Variants in ZFAND3 observed in about 807,000 individuals in gnomAD.
The protein encoded by ZFAND3 is zinc finger AN1-type containing 3.
A neutral mutation model predicts 29.6 loss-of-function variants in ZFAND3; 10 were observed. That is an observed-to-expected ratio of 0.34 (90% confidence interval 0.21 to 0.57). The LOEUF (loss-of-function observed/expected upper bound fraction) is 0.57. ZFAND3 is among the 20% of genes least tolerant of loss of function. The pLI is 0.86. For synonymous variants in ZFAND3, 128 were observed against 112.6 expected, an observed-to-expected ratio of 1.14 and a Z score of -0.87; for missense variants, 230 against 304.5, an observed-to-expected ratio of 0.76 and a Z score of 1.82.
At position 37,819,978 on chromosome 6, in the gene ZFAND3, G is replaced by C. The variant is rs1254594534; in HGVS notation, c.33G>C (p.Ala11=). MGDAGSERSK[A]PSLPPRCPCG... ...ACGCTGGGAGCGAGCGCAGCAAAGC[G>C]CCCAGCCTGCCGCCTCGCTGTCCCT... Residue 11 remains alanine (A), a synonymous_variant, in exon 1 of 6, where the codon GCG becomes GCC. Coordinates refer to ENST00000287218, the MANE Select transcript of ZFAND3 (RefSeq NM_021943.3). 7 of 1,221,068 alleles carry C rather than the reference G, an allele frequency of 5.7e-6. No homozygotes were observed. Among genetic ancestry groups the C allele is most frequent in the Non-Finnish European group, 6.1e-6 (6 of 981,084 alleles). The allele number at this position is 1,221,068 out of a possible 1,614,324, so 75.6% of individuals were successfully genotyped here.
rs561290073 is a variant in ZFAND3, at chr6:38,035,831, G to T, written c.113-25762G>T. On this transcript the variant is annotated intron_variant, in intron 2 of 5. Coordinates refer to ENST00000287218, the MANE Select transcript of ZFAND3 (RefSeq NM_021943.3). The stretch of plus-strand genomic sequence containing the variant: ...CTTGGTTGACCTTCTAGGTGAAAAG[G>T]CCATTTAGTTAAAATTATTTAAAGC... Among the ~76,000 whole-genome samples, 11 of 152,080 alleles carry T rather than the reference G, an allele frequency of 7.2e-5. 1 individual carries two copies. The highest frequency in any genetic ancestry group is 3.3e-4 in the Admixed American group (5 of 15,278).
rs1035571716 is a variant in ZFAND3, at chr6:37,882,584, C to A, written c.72-47375C>A. Among the ~76,000 whole-genome samples, 3 of 152,126 alleles carry A rather than the reference C, an allele frequency of 2.0e-5. No individual in the cohort carries two copies. The East Asian group carries it at 5.8e-4, about 29-fold the overall frequency. Reference sequence around the variant, plus strand: ...TTCCCATATAATTGGGAAATGCCAACCTCACTGGTCTGTGCCCCTCCCAAT... The same window carrying A: ...TTCCCATATAATTGGGAAATGCCAAACTCACTGGTCTGTGCCCCTCCCAAT... On this transcript the variant is annotated intron_variant, in intron 1 of 5. Transcript: ENST00000287218.
chr6:37,999,269 G>A (rs1435653182), intron 2 of ZFAND3, among the ~76,000 whole-genome samples: 1 of 152,170 alleles, frequency 6.6e-6, no homozygotes, highest in Non-Finnish European at 1.5e-5. Flanking sequence ...ATATCCATGA[G>A]TCCATACTGA....
chr6:38,042,057 T>C (rs1286232953), intron 2 of ZFAND3, among the ~76,000 whole-genome samples: 2 of 150,792 alleles, frequency 1.3e-5, no homozygotes, highest in African/African-American at 4.9e-5. Context: ...AGTCTGGTCT[T>C]GAACTCCTGG....
intron 3 of ZFAND3, among the ~76,000 whole-genome samples, chr6:38,080,869 C>G (rs1330465415): frequency 1.3e-5 from 2 of 152,148 alleles, no homozygotes; most frequent in East Asian, 3.8e-4. Context: ...ACCATTTGAA[C>G]CTCTGGAATT....
At chr6:37,856,948 AC>A (rs1275175788) in intron 1 of ZFAND3, among the ~76,000 whole-genome samples, 3 of 127,182 alleles carry the variant, frequency 2.4e-5, no homozygotes, top group African/African-American at 7.9e-5. Context: ...TTAACTCTTG[AC>A]CTTTTTTTTT....
chr6:38,023,611 A>C (rs1490866538), intron 2 of ZFAND3, among the ~76,000 whole-genome samples: 2 of 152,184 alleles, frequency 1.3e-5, no homozygotes, highest in African/African-American at 4.8e-5. Context: ...ACTTTTTGGC[A>C]TAGGCAAGGA....
chr6:38,043,519 T>C (rs1301169430), intron 2 of ZFAND3, among the ~76,000 whole-genome samples: 3 of 145,644 alleles, frequency 2.1e-5, no homozygotes, highest in Admixed American at 7.0e-5. Flanking sequence ...TCCCTCCCTC[T>C]CTCCTTTTCT....
chr6:38,146,870 G>T (rs577985001), intron 5 of ZFAND3, among the ~76,000 whole-genome samples: 1 of 152,158 alleles, frequency 6.6e-6, no homozygotes, highest in Non-Finnish European at 1.5e-5. Flanking sequence ...GCTGCTGAAC[G>T]ATAGGGCCAT....
chr6:37,843,826 G>T, intron 1 of ZFAND3, among the ~76,000 whole-genome samples: 1 of 147,968 alleles, frequency 6.8e-6, no homozygotes, highest in African/African-American at 2.5e-5. Flanking sequence ...TATCCTTGTA[G>T]TTTCTAAAAA....
At chr6:38,060,799 G>T (rs1014381980) in intron 2 of ZFAND3, among the ~76,000 whole-genome samples, 1 of 151,850 alleles carries the variant, frequency 6.6e-6, no homozygotes, top group Non-Finnish European at 1.5e-5. Context: ...ATATACGATT[G>T]TGTTATACTT....
At chr6:37,928,573 T>C (rs1300362230) in intron 1 of ZFAND3, among the ~76,000 whole-genome samples, 2 of 152,136 alleles carry the variant, frequency 1.3e-5, no homozygotes, top group Non-Finnish European at 2.9e-5. Context: ...CAGGCTGGAG[T>C]GCAGTGGTGT....
intron 5 of ZFAND3, among the ~76,000 whole-genome samples, chr6:38,143,480 A>G (rs1265779869): frequency 2.0e-5 from 3 of 152,226 alleles, no homozygotes; most frequent in Admixed American, 1.3e-4. Flanking sequence ...CTTTGCCTCT[A>G]TCATACTGCT....
intron 1 of ZFAND3, among the ~76,000 whole-genome samples, chr6:37,913,387 A>G (rs1055732240): frequency 3.3e-5 from 5 of 152,222 alleles, no homozygotes; most frequent in Non-Finnish European, 7.3e-5. Context: ...ATTTAACTCA[A>G]GAAACCATTT....
rs576986169 is a variant in ZFAND3 at position 38,063,216 on chromosome 6, C to T, written c.295+1441C>T. ...GCAGAAAACAAATATTTATCTAAAT[C>T]TGTCATAAACTGCTATATTTGGTAA... On this transcript the variant is annotated intron_variant, in intron 3 of 5. Transcript: ENST00000287218. Among the ~76,000 whole-genome samples, 17 of 152,248 alleles carry T rather than the reference C, an allele frequency of 1.1e-4. No individual in the cohort carries two copies. The East Asian group carries it at 3.3e-3, about 29-fold the overall frequency.
At chr6:37,864,360 A>C (rs1764545576) in intron 1 of ZFAND3, among the ~76,000 whole-genome samples, 1 of 152,190 alleles carries the variant, frequency 6.6e-6, no homozygotes, top group Non-Finnish European at 1.5e-5. Context: ...TTTTGCTTTG[A>C]GGGCTGAATC....
intron 4 of ZFAND3, among the ~76,000 whole-genome samples, chr6:38,091,687 G>A (rs1300956793): frequency 7.8e-6 from 1 of 128,472 alleles, no homozygotes; most frequent in South Asian, 2.6e-4. Context: ...GCCCATTAAG[G>A]AGCCTTTTTT....
At chr6:37,932,625 G>T (rs963726999) in intron 2 of ZFAND3, among the ~76,000 whole-genome samples, 5 of 152,132 alleles carry the variant, frequency 3.3e-5, no homozygotes, top group Non-Finnish European at 7.4e-5. Flanking sequence ...TAATAAGGTG[G>T]TTCACATCAA....
At chr6:37,886,280 A>AAAAAAAAAAAAAAAAAAAAAAAAC (rs1561922411) in intron 1 of ZFAND3, among the ~76,000 whole-genome samples, 3 of 128,864 alleles carry the variant, frequency 2.3e-5, no homozygotes, top group Admixed American at 8.3e-5. Context: ...AAAAAAAAAA[A>AAAAAAAAAAAAAAAAAAAAAAAAC]AGTTCAAAGA....
Sources: allele counts gnomAD v4.1 joint callset (sites outside exome capture counted in the v4.1 genomes callset), GRCh38; gene constraint gnomAD v4.1.1; transcripts MANE v1.5; gene names NCBI Gene and HGNC (gene_info 2026-07-23, HGNC 2026-07-21).